NAA35: variants seen among roughly 807,000 people sequenced by gnomAD.
NAA35 encodes N-alpha-acetyltransferase 35, NatC auxiliary subunit, also known as MAK10 homolog, amino-acid N-acetyltransferase subunit.
In NAA35, 18 loss-of-function variants were observed where a neutral mutation model predicts 101.7. The ratio of observed to expected loss-of-function variants is 0.18; its 90% CI spans 0.12 to 0.26. NAA35 has a LOEUF of 0.26. NAA35 is among the 10% of genes least tolerant of loss of function. The pLI, the probability that NAA35 is intolerant of heterozygous loss-of-function variation, is 1.00. For synonymous variants in NAA35, 267 were observed against 273.1 expected (o/e 0.98, Z 0.22); for missense variants, 601 against 886.8 (o/e 0.68, Z 4.09).
rs1321928063 is a variant in NAA35 at position 86,007,237 on chromosome 9, T to A, written c.1117-121T>A. The A allele has an allele frequency of 6.6e-6, 4 of 606,738 alleles. No individual in the cohort carries two copies. In the African/African-American group the frequency reaches 7.5e-5, roughly 11 times the overall value. 37.6% of individuals were successfully genotyped at this position (606,738 alleles called of 1,614,324 possible). A position where few individuals can be genotyped will look rare whatever the true frequency, so the allele number is the denominator to read the frequency against. ...TGGAGACAGCAACTTATAAAAAATT[T>A]TCACAAACTTTTTATATTTTAATCA... On this transcript the variant is annotated intron_variant, in intron 13 of 22. Coordinates refer to ENST00000361671, the MANE Select transcript of NAA35 (RefSeq NM_024635.4).
At chr9:85,991,725 C>T (rs1036620329) in intron 11 of NAA35, among the ~76,000 whole-genome samples, 1 of 152,048 alleles carries the variant, frequency 6.6e-6, no homozygotes. Context: ...ATGATGGTCC[C>T]AAAGCTATCA....
rs1265685680 is a variant in NAA35 at position 85,999,435 on chromosome 9, C to G, written c.1056+2858C>G. Among the ~76,000 whole-genome samples the G allele has an allele frequency of 2.0e-5, 3 of 152,082 alleles. No homozygotes were observed. In the East Asian group the frequency reaches 5.8e-4, roughly 29 times the overall value. Reference sequence around the variant, plus strand: ...CTTTTAATGTATATAGTTGTTTTACCAGTTGTATTGGTAAGCAAATGGACT... The same window carrying G: ...CTTTTAATGTATATAGTTGTTTTACGAGTTGTATTGGTAAGCAAATGGACT... On this transcript the variant is annotated intron_variant, in intron 12 of 22. Coordinates refer to ENST00000361671, the MANE Select transcript of NAA35 (RefSeq NM_024635.4).
intron 6 of NAA35, among the ~76,000 whole-genome samples, chr9:85,973,986 T>G (rs974089715): frequency 6.6e-6 from 1 of 152,020 alleles, no homozygotes; most frequent in Non-Finnish European, 1.5e-5. Context: ...AGGCAGAGTC[T>G]CACTCTGTCG....
Position 86,018,312 on chromosome 9 carries a change from A to C in NAA35, c.1831A>C (p.Ser611Arg). The C allele has an allele frequency of 1.9e-6, 3 of 1,614,070 alleles. No individual in the cohort carries two copies. The highest frequency in any genetic ancestry group is 2.5e-6 in the Non-Finnish European group (3 of 1,179,936). ...ACGTAAACCGAAGTTTGAGCTTGAT[A>C]GTGAACAAGTTCGGTATGAACACAG... is the stretch of plus-strand genomic sequence containing the variant. ...KVRKPKFELD[S>R]EQVRYEHRFA... The change falls in exon 20 of 23, where the codon AGT (serine) becomes CGT (arginine). Residue 611 changes from serine to arginine, a missense_variant. Ser to Arg is a moderately radical substitution (Grantham distance 110). Coordinates refer to ENST00000361671, the MANE Select transcript of NAA35 (RefSeq NM_024635.4).
intron 8 of NAA35, among the ~76,000 whole-genome samples, chr9:85,975,893 G>A (rs1164529423): frequency 6.6e-6 from 1 of 152,146 alleles, no homozygotes; most frequent in Non-Finnish European, 1.5e-5. Context: ...CCCAAATCTG[G>A]TGAAAACCTT....
intron 5 of NAA35, among the ~76,000 whole-genome samples, chr9:85,960,605 T>G (rs1829473171): frequency 6.6e-6 from 1 of 152,218 alleles, no homozygotes; most frequent in Non-Finnish European, 1.5e-5. Context: ...GCCAGAATCT[T>G]AATCCTGATC....
intron 15 of NAA35, among the ~76,000 whole-genome samples, chr9:86,011,435 T>TA (rs1400367063): frequency 6.6e-6 from 1 of 151,128 alleles, no homozygotes; most frequent in Non-Finnish European, 1.5e-5. Context: ...CTTGGCTCAC[T>TA]GCAACCTCTA....
intron 6 of NAA35, among the ~76,000 whole-genome samples, chr9:85,973,475 T>G (rs1167889649): frequency 3.3e-5 from 5 of 152,006 alleles, no homozygotes; most frequent in Admixed American, 3.3e-4. Flanking sequence ...TGTGAAAGGG[T>G]GAAAAGTAGT....
At chr9:85,946,237 T>C (rs1828757938) in intron 2 of NAA35, among the ~76,000 whole-genome samples, 1 of 152,036 alleles carries the variant, frequency 6.6e-6, no homozygotes, top group Non-Finnish European at 1.5e-5. Flanking sequence ...GACTATAGGA[T>C]GGGTTCAAGC....
intron 11 of NAA35, among the ~76,000 whole-genome samples, chr9:85,994,878 A>G (rs1157108582): frequency 1.3e-5 from 2 of 152,194 alleles, no homozygotes; most frequent in African/African-American, 4.8e-5. Context: ...CTAGCAGAGA[A>G]TTGGAATGTT....
At chr9:85,983,836 T>C (rs1830537131) in intron 11 of NAA35, among the ~76,000 whole-genome samples, 1 of 151,566 alleles carries the variant, frequency 6.6e-6, no homozygotes, top group African/African-American at 2.4e-5. Context: ...CAAAAATAAG[T>C]AGGAAGTTTA....
At chr9:85,953,217 A>AAT (rs1554768827) in intron 2 of NAA35, among the ~76,000 whole-genome samples, 46 of 126,008 alleles carry the variant, frequency 3.7e-4, no homozygotes, top group African/African-American at 1.3e-3. Context: ...GCCTCAAGAG[A>AAT]TTTTTTTTTT....
intron 2 of NAA35, among the ~76,000 whole-genome samples, chr9:85,955,377 T>TC (rs1829226011): frequency 7.5e-6 from 1 of 132,496 alleles, no homozygotes; most frequent in Middle Eastern, 3.4e-3. Flanking sequence ...TTTTTTTTTT[T>TC]CTTCAGACAG....
Position 85,996,386 on chromosome 9 carries a change from T to A in NAA35, c.878-13T>A. 1 of 1,551,212 alleles carries A rather than the reference T, an allele frequency of 6.4e-7. No homozygotes were observed. Among genetic ancestry groups the A allele is most frequent in the Non-Finnish European group, 8.6e-7 (1 of 1,156,842 alleles). ...AAAGTTGAAAAATTTTACTTTCATTTTTTTCTTTTTAGATCATCCAATTAT... is the reference window on the plus strand; with the variant it reads ...AAAGTTGAAAAATTTTACTTTCATTATTTTCTTTTTAGATCATCCAATTAT... On this transcript the variant is annotated splice_polypyrimidine_tract_variant and intron_variant, in intron 11 of 22. Coordinates refer to ENST00000361671, the MANE Select transcript of NAA35 (RefSeq NM_024635.4).
intron 6 of NAA35, among the ~76,000 whole-genome samples, chr9:85,965,096 T>TG (rs1488297271): frequency 6.6e-6 from 1 of 152,182 alleles, no homozygotes; most frequent in Non-Finnish European, 1.5e-5. Context: ...TTGATGGGAG[T>TG]GTAAATTCTT....
intron 2 of NAA35, among the ~76,000 whole-genome samples, chr9:85,954,293 G>T (rs1480754352): frequency 6.6e-6 from 1 of 152,186 alleles, no homozygotes; most frequent in Non-Finnish European, 1.5e-5. Flanking sequence ...GTGTTGCTCA[G>T]GCTGGTCTTG....
chr9:86,003,696 A>G, intron 13 of NAA35, 52 bp downstream of exon 13: 1 of 1,077,344 alleles, frequency 9.3e-7, no homozygotes, highest in Non-Finnish European at 1.4e-6. Context: ...ATGTGTATTG[A>G]CATTGTTTTA....
At chr9:85,990,826 AGT>A (rs1389827924) in intron 11 of NAA35, among the ~76,000 whole-genome samples, 1 of 152,136 alleles carries the variant, frequency 6.6e-6, no homozygotes, top group East Asian at 1.9e-4. Flanking sequence ...GGGTAGGTGG[AGT>A]GTACTTGTAG....
intron 4 of NAA35, among the ~76,000 whole-genome samples, chr9:85,959,133 T>A (rs1271862409): frequency 6.6e-6 from 1 of 152,060 alleles, no homozygotes; most frequent in Non-Finnish European, 1.5e-5. Flanking sequence ...TCCCAGCACT[T>A]TGGGAGGCCG....
Sources: gnomAD v4.1 joint callset for allele counts (sites outside exome capture counted in the v4.1 genomes callset) on GRCh38, gnomAD v4.1.1 for gene constraint, MANE v1.5 for transcripts, NCBI Gene and HGNC (gene_info 2026-07-23, HGNC 2026-07-21) for gene names.